Variants in ITK observed in about 807,000 individuals in gnomAD.
The protein encoded by ITK is tyrosine-protein kinase ITK/TSK.
Under a neutral mutation model 87.6 loss-of-function variants are expected in ITK, and 45 were observed. The ratio of observed to expected loss-of-function variants is 0.51; its 90% confidence interval spans 0.40 to 0.66. The LOEUF is 0.66. ITK is among the 30% of genes least tolerant of loss of function. The pLI, the probability that ITK is intolerant of heterozygous loss-of-function variation, is 0.00. For synonymous variants in ITK, 303 were observed against 273.6 expected, an observed-to-expected ratio of 1.11 and a Z score of -1.06; for missense variants, 605 against 766.3, an observed-to-expected ratio of 0.79 and a Z score of 2.48.
At chr5:157,228,819 G>A (rs1488737989) in intron 7 of ITK, among the ~76,000 whole-genome samples, 1 of 152,000 alleles carries the variant, frequency 6.6e-6, no homozygotes, top group Non-Finnish European at 1.5e-5. Context: ...GTAGAGACAG[G>A]ATCTCACTAG....
chr5:157,242,109 A>G (rs1196144488), intron 11 of ITK, among the ~76,000 whole-genome samples: 1 of 152,248 alleles, frequency 6.6e-6, no homozygotes, highest in African/African-American at 2.4e-5. Context: ...GACTATTGCC[A>G]GAACTGCAAG....
At position 157,222,896 on chromosome 5, in the gene ITK, A is replaced by G. The variant is rs1754451258; in HGVS notation, c.529A>G (p.Ile177Val). 1.2e-6 allele frequency: 2 copies of G among 1,614,092 alleles called. No homozygotes were observed. The highest frequency in any genetic ancestry group is 1.1e-5 in the South Asian group (1 of 91,084). ...TTGGGAACCTGAAGAAACTGTGGTC[A>G]TTGCCTTATATGACTACCAAACCAA... Reference protein sequence around the residue: ...PLWEPEETVVIALYDYQTNDP... With the variant: ...PLWEPEETVVVALYDYQTNDP... The change falls in exon 6 of 17, where the codon ATT (isoleucine) becomes GTT (valine). Residue 177 changes from isoleucine to valine, a missense_variant. Coordinates refer to ENST00000422843, the MANE Select transcript of ITK (RefSeq NM_005546.4).
intron 1 of ITK, among the ~76,000 whole-genome samples, chr5:157,197,639 AT>A (rs1269509955): frequency 2.1e-4 from 32 of 152,158 alleles, no homozygotes; most frequent in African/African-American, 7.7e-4. Context: ...ATGATGCTCC[AT>A]CTGTTGCTTT....
chr5:157,194,927 G>C (rs1407518349), intron 1 of ITK, among the ~76,000 whole-genome samples: 2 of 152,164 alleles, frequency 1.3e-5, no homozygotes, highest in African/African-American at 4.8e-5. Flanking sequence ...ATAACAACAT[G>C]AATCATAATT....
intron 1 of ITK, chr5:157,195,747 T>A (rs1247692313): frequency 6.6e-6 from 1 of 152,258 alleles, no homozygotes; most frequent in Non-Finnish European, 1.5e-5. Flanking sequence ...AACTTTTCTT[T>A]TAGTTGGTTA....
intron 2 of ITK, 42 bp from the exon 3 acceptor site, chr5:157,211,245 C>T: frequency 2.0e-6 from 3 of 1,531,930 alleles, no homozygotes; most frequent in Non-Finnish European, 2.7e-6. Flanking sequence ...CAACTATCTC[C>T]ATGCACGCTG....
chr5:157,222,469 T>C (rs1260861502), intron 5 of ITK, among the ~76,000 whole-genome samples: 1 of 152,220 alleles, frequency 6.6e-6, no homozygotes, highest in African/African-American at 2.4e-5. Context: ...TCCAATAACC[T>C]ATGATTCCGT....
intron 6 of ITK, among the ~76,000 whole-genome samples, chr5:157,225,736 A>G (rs13164898): frequency 0.016 from 2,493 of 152,300 alleles, 30 homozygotes; most frequent in Non-Finnish European, 0.027. Flanking sequence ...CAATTGAGCT[A>G]GTCACATCAC....
Position 157,213,188 on chromosome 5 carries a change from G to A in ITK, c.326-1003G>A, listed in dbSNP as rs1020829297. On this transcript the variant is annotated intron_variant, in intron 3 of 16. Transcript: ENST00000422843. ...CAATCACCTTATTCACAAGGTGGCA[G>A]GACAGAGAATGACAGAAGGAGGAAC... is the stretch of plus-strand genomic sequence containing the variant. 6.6e-5 allele frequency among the ~76,000 whole-genome samples: 10 copies of A among 152,270 alleles called. No homozygotes were observed. In the East Asian group the frequency reaches 1.9e-3, roughly 29 times the overall value.
At chr5:157,241,774 T>G in intron 11 of ITK, 54 bp downstream of exon 11, 1 of 1,364,540 alleles carries the variant, frequency 7.3e-7, no homozygotes, top group Middle Eastern at 1.8e-4. Context: ...CTGGGGCAAA[T>G]TCTGAATAAA....
At chr5:157,185,205 A>G (rs539131472) in intron 1 of ITK, among the ~76,000 whole-genome samples, 1 of 152,190 alleles carries the variant, frequency 6.6e-6, no homozygotes, top group African/African-American at 2.4e-5. Flanking sequence ...GATTTTGTAT[A>G]AATTATATAA....
intron 16 of ITK, among the ~76,000 whole-genome samples, chr5:157,250,494 T>C (rs948267528): frequency 6.6e-6 from 1 of 151,896 alleles, no homozygotes; most frequent in Non-Finnish European, 1.5e-5. Context: ...TCAGTTTTTG[T>C]GTTTGTTTGT....
In ITK at chr5:157,238,314, T is replaced by A. The variant is rs528889449; in HGVS notation, c.851+123T>A. 6.4e-6 allele frequency: 5 copies of A among 778,878 alleles called. No homozygotes were observed. The African/African-American group carries it at 8.5e-5, about 13-fold the overall frequency. 48.2% of individuals were successfully genotyped at this position (778,878 alleles called of 1,614,324 possible). A position where few individuals can be genotyped will look rare whatever the true frequency, so the allele number is the denominator to read the frequency against. The stretch of plus-strand genomic sequence containing the variant: ...GAGGCTCACTAGAAATGGTCTGTTT[T>A]CCCTCTTTACTCCGAGAAAACCAAA... On this transcript the variant is annotated intron_variant, in intron 9 of 16. Transcript: ENST00000422843.
intron 6 of ITK, 56 bp downstream of exon 6, chr5:157,223,070 A>C (rs1193836966): frequency 6.3e-7 from 1 of 1,597,856 alleles, no homozygotes; most frequent in Non-Finnish European, 8.6e-7. Context: ...CGAACAAATA[A>C]AATACCAGGA....
intron 1 of ITK, among the ~76,000 whole-genome samples, chr5:157,203,020 T>C (rs1266813190): frequency 1.3e-5 from 2 of 152,214 alleles, no homozygotes; most frequent in Admixed American, 6.5e-5. Flanking sequence ...GGCTGCTTGC[T>C]CTACCTGGGA....
intron 4 of ITK, among the ~76,000 whole-genome samples, chr5:157,216,586 C>A (rs1754303216): frequency 6.6e-6 from 1 of 151,914 alleles, no homozygotes; most frequent in Non-Finnish European, 1.5e-5. Context: ...ATAGTAACAC[C>A]CATTTCTGCA....
chr5:157,250,257 C>T (rs1755114748), intron 16 of ITK, among the ~76,000 whole-genome samples: 1 of 152,184 alleles, frequency 6.6e-6, no homozygotes, highest in Non-Finnish European at 1.5e-5. Flanking sequence ...AACTACTGAT[C>T]TTTTCACTGT....
At chr5:157,206,494 C>T (rs35457848) in intron 1 of ITK, among the ~76,000 whole-genome samples, 18 of 151,884 alleles carry the variant, frequency 1.2e-4, no homozygotes, top group Non-Finnish European at 2.2e-4. Context: ...TGGTAGAATT[C>T]GGCTGTGAAT....
chr5:157,249,897 G>A (rs753510285), intron 16 of ITK, among the ~76,000 whole-genome samples: 5 of 152,014 alleles, frequency 3.3e-5, no homozygotes, highest in Admixed American at 6.6e-5. Context: ...ACATTCAGTT[G>A]GCACTTTTTC....
Sources: allele counts gnomAD v4.1 joint callset (sites outside exome capture counted in the v4.1 genomes callset), GRCh38; gene constraint gnomAD v4.1.1; transcripts MANE v1.5; gene names NCBI Gene and HGNC (gene_info 2026-07-23, HGNC 2026-07-21).